The following RANBP3 variants were observed in gnomAD, a reference collection of about 807,000 sequenced individuals.
The protein encoded by RANBP3 is ran-binding protein 3.
In RANBP3, 14 loss-of-function variants were observed where a neutral mutation model predicts 77.3. The ratio of observed to expected loss-of-function variants is 0.18; its 90% CI spans 0.12 to 0.28. The LOEUF (loss-of-function observed/expected upper bound fraction) is 0.28, where lower values mean the gene tolerates loss of function less well. Among genes scored for constraint, RANBP3 ranks in the 10% least tolerant of loss-of-function variants. The pLI is 1.00. For synonymous variants in RANBP3, 315 were observed against 312.4 expected, an observed-to-expected ratio of 1.01 and a Z score of -0.09; for missense variants, 586 against 752.3, an observed-to-expected ratio of 0.78 and a Z score of 2.59.
At chr19:5,969,135 T>C (rs2058502084) in intron 1 of RANBP3, among the ~76,000 whole-genome samples, 1 of 152,148 alleles carries the variant, frequency 6.6e-6, no homozygotes, top group African/African-American at 2.4e-5. Flanking sequence ...AAGGGCTGGG[T>C]GGAGCCCACA....
intron 5 of RANBP3, 110 bp from the exon 6 acceptor site, chr19:5,933,589 G>T: frequency 1.5e-6 from 1 of 678,342 alleles, no homozygotes; most frequent in Non-Finnish European, 2.4e-6. Context: ...CTTCGGGCCT[G>T]GAGAACCAGG....
intron 1 of RANBP3, among the ~76,000 whole-genome samples, chr19:5,965,181 C>T (rs73923404): frequency 0.021 from 3,172 of 152,112 alleles, 112 homozygotes; most frequent in African/African-American, 0.073. Context: ...CAGAAATGAC[C>T]AATCTGGGAC....
At chr19:5,918,676 C>A (rs2057777971) in intron 14 of RANBP3, 38 bp from the exon 15 acceptor site, 1 of 1,601,966 alleles carries the variant, frequency 6.2e-7, no homozygotes, top group Non-Finnish European at 8.5e-7. Context: ...GGCCCCCACA[C>A]CGGCCCCCTC....
intron 9 of RANBP3, 50 bp from the exon 10 acceptor site, chr19:5,925,787 A>C: frequency 1.3e-6 from 2 of 1,483,634 alleles, no homozygotes; most frequent in African/African-American, 1.4e-5. Flanking sequence ...GGGTGCCTGG[A>C]GTTCCACAGC....
chr19:5,936,150 T>C (rs570824728), intron 5 of RANBP3, among the ~76,000 whole-genome samples: 1 of 152,318 alleles, frequency 6.6e-6, no homozygotes, highest in Admixed American at 6.5e-5. Flanking sequence ...GTGCATCAAA[T>C]GCTGAGAAGG....
At chr19:5,947,193 A>T (rs1367314898) in intron 3 of RANBP3, among the ~76,000 whole-genome samples, 1 of 152,000 alleles carries the variant, frequency 6.6e-6, no homozygotes, top group Admixed American at 6.5e-5. Flanking sequence ...GCATGCCTGT[A>T]ATCCCAGCTA....
chr19:5,946,535 A>G (rs2058207148), intron 3 of RANBP3, among the ~76,000 whole-genome samples: 1 of 152,156 alleles, frequency 6.6e-6, no homozygotes, highest in Non-Finnish European at 1.5e-5. Context: ...TCGACAGGGG[A>G]ACCTCCTGCC....
chr19:5,937,412 T>C (rs1568459191), intron 5 of RANBP3, among the ~76,000 whole-genome samples: 2 of 152,194 alleles, frequency 1.3e-5, no homozygotes, highest in Non-Finnish European at 2.9e-5. Context: ...GAGACACTTC[T>C]ACCCAACAGC....
chr19:5,939,863 C>T (rs910490215), intron 5 of RANBP3, among the ~76,000 whole-genome samples: 5 of 152,260 alleles, frequency 3.3e-5, no homozygotes, highest in African/African-American at 1.2e-4. Flanking sequence ...TGTCCCTGCA[C>T]CTCTGCAGGG....
chr19:5,930,025 C>G (rs1568452984), intron 8 of RANBP3, among the ~76,000 whole-genome samples: 1 of 152,248 alleles, frequency 6.6e-6, no homozygotes, highest in Non-Finnish European at 1.5e-5. Flanking sequence ...TGGGACACAG[C>G]AAGGCCTCTC....
At chr19:5,926,019 AAGCTGGCC>A (rs2057903991) in intron 9 of RANBP3, among the ~76,000 whole-genome samples, 1 of 152,150 alleles carries the variant, frequency 6.6e-6, no homozygotes, top group South Asian at 2.1e-4. Flanking sequence ...AACCACGCCT[AAGCTGGCC>A]TCTCGGTCAA....
intron 3 of RANBP3, among the ~76,000 whole-genome samples, chr19:5,944,252 G>A (rs1266802146): frequency 6.6e-6 from 1 of 152,228 alleles, no homozygotes; most frequent in South Asian, 2.1e-4. Context: ...CAGGGGTGTG[G>A]AGTGAGTCCT....
chr19:5,917,600 C>G lies in RANBP3; in HGVS notation c.*10G>C. The G allele has an allele frequency of 6.3e-7, 1 of 1,592,314 alleles. No individual in the cohort carries two copies. Among genetic ancestry groups the G allele is most frequent in the Non-Finnish European group, 8.5e-7 (1 of 1,173,616 alleles). Reference sequence around the variant, plus strand: ...AGCAGCAGCCTGGTGTGCAGCCGGGCTCCCGGCCGCTATGTGCTCCCGGTC... The same window carrying G: ...AGCAGCAGCCTGGTGTGCAGCCGGGGTCCCGGCCGCTATGTGCTCCCGGTC... On this transcript the variant is annotated 3_prime_UTR_variant, in exon 17 of 17. Transcript: ENST00000340578.
intron 12 of RANBP3, 22 bp downstream of exon 12, chr19:5,923,790 C>A: frequency 6.4e-7 from 1 of 1,568,196 alleles, no homozygotes; most frequent in East Asian, 2.2e-5. Flanking sequence ...GAGCCCCATG[C>A]TGTGGTGGGA....
chr19:5,953,773 G>A (rs552097949), intron 2 of RANBP3, among the ~76,000 whole-genome samples: 5 of 152,182 alleles, frequency 3.3e-5, no homozygotes, highest in African/African-American at 1.2e-4. Flanking sequence ...CAGGCGTTTC[G>A]ATGAGACAGC....
rs2057877453 is a variant in RANBP3, at chr19:5,924,683, G to GGGTCTTCCCTCTCTCACTT, written c.996+125_996+143dup. 1 of 846,622 alleles carries GGGTCTTCCCTCTCTCACTT rather than the reference G, an allele frequency of 1.2e-6. No individual in the cohort carries two copies. The highest frequency in any genetic ancestry group is 2.0e-6 in the Non-Finnish European group (1 of 509,312). The allele number at this position is 846,622 out of a possible 1,614,324, so 52.4% of individuals were successfully genotyped here. Reference sequence around the variant, plus strand: ...CCAGTTTTCAGGCTGAGTCTGAGCAGGGTCTTCCCTCTCTCACTTGCTACT... The same window carrying GGGTCTTCCCTCTCTCACTT: ...CCAGTTTTCAGGCTGAGTCTGAGCAGGGTCTTCCCTCTCTCACTTGGTCTTCCCTCTCTCACTTGCTACT... On this transcript the variant is annotated intron_variant, in intron 11 of 16. Coordinates refer to ENST00000340578, the MANE Select transcript of RANBP3 (RefSeq NM_007322.3). The surrounding 1 kb of genome is among the most constrained non-coding windows in gnomAD (Gnocchi z 4.7).
chr19:5,936,201 G>A (rs2058062400), intron 5 of RANBP3, among the ~76,000 whole-genome samples: 1 of 152,260 alleles, frequency 6.6e-6, no homozygotes, highest in South Asian at 2.1e-4. Context: ...GACGGCGCTG[G>A]TGCAGGGTGG....
chr19:5,933,557 A>T, intron 5 of RANBP3, 78 bp from the exon 6 acceptor site: 1 of 1,234,042 alleles, frequency 8.1e-7, no homozygotes, highest in South Asian at 1.3e-5. Context: ...GCAGGAGAGG[A>T]CTATGGTCTT....
chr19:5,973,684 A>G (rs901011105), intron 1 of RANBP3, among the ~76,000 whole-genome samples: 2 of 152,196 alleles, frequency 1.3e-5, no homozygotes, highest in African/African-American at 4.8e-5. Context: ...CACCCACACA[A>G]TGGAGACTTT....
Sources: allele counts gnomAD v4.1 joint callset (sites outside exome capture counted in the v4.1 genomes callset), GRCh38; gene constraint gnomAD v4.1.1; non-coding constraint Gnocchi (gnomAD v3.1); transcripts MANE v1.5; gene names NCBI Gene and HGNC (gene_info 2026-07-23, HGNC 2026-07-21).